The following IRAG2 variants were observed in gnomAD, a reference collection of about 807,000 sequenced individuals.
IRAG2 encodes the protein inositol 1,4,5-triphosphate receptor associated 2, also known as lymphoid restricted membrane protein.
IRAG2 carries 45 observed loss-of-function variants against 69.9 expected under a neutral mutation model. That is an observed-to-expected ratio of 0.64 (90% CI 0.51 to 0.83). IRAG2 has a LOEUF of 0.83. IRAG2 is among the 40% of genes least tolerant of loss of function. The probability of loss-of-function intolerance (pLI) is 0.00; values close to 1 mark genes in which losing one functional copy is unlikely to be tolerated. For synonymous variants in IRAG2, 193 were observed against 202.4 expected, an observed-to-expected ratio of 0.95 and a Z score of 0.40; for missense variants, 520 against 587.0, an observed-to-expected ratio of 0.89 and a Z score of 1.18.
chr12:25,038,623 AGAGT>A (rs2139857200), intron 16 of IRAG2, among the ~76,000 whole-genome samples: 1 of 151,066 alleles, frequency 6.6e-6, no homozygotes, highest in African/African-American at 2.4e-5. Flanking sequence ...CCTGGGTGAC[AGAGT>A]GAGACTCCAT....
chr12:25,057,847 A>G (rs577955295), intron 1 of IRAG2, among the ~76,000 whole-genome samples: 1 of 152,102 alleles, frequency 6.6e-6, no homozygotes, highest in East Asian at 1.9e-4. Flanking sequence ...CTGTTCTAGA[A>G]CTCAGTTACA....
At chr12:25,054,220 C>T (rs1945074975) in intron 1 of IRAG2, among the ~76,000 whole-genome samples, 1 of 152,160 alleles carries the variant, frequency 6.6e-6, no homozygotes, top group African/African-American at 2.4e-5. Flanking sequence ...TTAAATTACA[C>T]AGTCTGTGTG....
chr12:25,033,339 T>C (rs1390413329), intron 12 of IRAG2, among the ~76,000 whole-genome samples: 3 of 152,156 alleles, frequency 2.0e-5, no homozygotes, highest in Non-Finnish European at 4.4e-5. Flanking sequence ...ATTATTTGTT[T>C]CTGAATGTGA....
chr12:25,055,974 T>C (rs78169761), intron 1 of IRAG2, among the ~76,000 whole-genome samples: 1 of 152,232 alleles, frequency 6.6e-6, no homozygotes, highest in Non-Finnish European at 1.5e-5. Context: ...AATGAGAGAA[T>C]TACCTTTAAG....
chr12:25,027,458 A>G (rs1431847640), intron 9 of IRAG2, among the ~76,000 whole-genome samples: 1 of 147,404 alleles, frequency 6.8e-6, no homozygotes, highest in Non-Finnish European at 1.5e-5. Context: ...GCAGTGGTGC[A>G]ATCTTGGCTC....
At chr12:25,031,650 G>T (rs1189369027) in intron 10 of IRAG2, among the ~76,000 whole-genome samples, 1 of 152,032 alleles carries the variant, frequency 6.6e-6, no homozygotes, top group African/African-American at 2.4e-5. Flanking sequence ...TTGTCCGTGT[G>T]TGTGTGTGTG....
intron 16 of IRAG2, among the ~76,000 whole-genome samples, chr12:25,039,432 A>G (rs1944729235): frequency 6.6e-6 from 1 of 152,154 alleles, no homozygotes; most frequent in African/African-American, 2.4e-5. Flanking sequence ...GGCAGCGTCA[A>G]CATTCTTCTT....
chr12:25,106,890 A>G (rs2140284470), intron 20 of IRAG2, 53 bp from the exon 21 acceptor site: 1 of 757,488 alleles, frequency 1.3e-6, no homozygotes, highest in Non-Finnish European at 2.1e-6. Flanking sequence ...TTTATGAATA[A>G]TTATAGCATA....
chr12:25,051,572 G>A (rs1201507016), upstream of IRAG2, among the ~76,000 whole-genome samples: 1 of 152,200 alleles, frequency 6.6e-6, no homozygotes, highest in Non-Finnish European at 1.5e-5. Flanking sequence ...ACATGTTTTA[G>A]AGATTAGAAT....
intron 10 of IRAG2, chr12:25,030,944 T>A: frequency 1.2e-6 from 1 of 812,922 alleles, no homozygotes; most frequent in Non-Finnish European, 1.5e-6. Flanking sequence ...ATTTGATTGA[T>A]TGATTAGATA....
At chr12:25,020,150 G>C (rs1013872725) in intron 6 of IRAG2, among the ~76,000 whole-genome samples, 2 of 152,244 alleles carry the variant, frequency 1.3e-5, no homozygotes, top group Non-Finnish European at 2.9e-5. Flanking sequence ...TAAGGGAACA[G>C]TCTATAATCT....
chr12:25,005,237 A>G (rs548360449), intron 1 of IRAG2: 67 of 1,208,476 alleles, frequency 5.5e-5, no homozygotes, highest in Non-Finnish European at 6.4e-5. Flanking sequence ...TTTTCTTCTA[A>G]TAGGATGGAA....
chr12:25,069,197 T>C (rs1469247453), intron 5 of IRAG2, among the ~76,000 whole-genome samples, 153 bp from the exon 6 acceptor site: 2 of 152,236 alleles, frequency 1.3e-5, no homozygotes, highest in African/African-American at 4.8e-5. Flanking sequence ...GGGAACTCTC[T>C]TTCATTATGT....
At chr12:25,004,349 C>T (rs1944414877) in exon 1 of IRAG2, 8 of 1,232,050 alleles carry the variant, frequency 6.5e-6, no homozygotes, top group Non-Finnish European at 6.1e-6. Flanking sequence ...ACAATGGCCT[C>T]TCCAAGGAAG....
chr12:25,108,293 G>A lies in IRAG2; in HGVS notation c.*233G>A. 1 of 545,074 alleles carries A rather than the reference G, an allele frequency of 1.8e-6. No homozygotes were observed. The highest frequency in any genetic ancestry group is 3.5e-5 in the Admixed American group (1 of 28,320). 33.8% of individuals were successfully genotyped at this position (545,074 alleles called of 1,614,324 possible). A position where few individuals can be genotyped will look rare whatever the true frequency, so the allele number is the denominator to read the frequency against. ...TTTTAAGGAAGAAATATTATATATT[G>A]TTTGTTAAAGTTTATTGAAATAAAG... On this transcript the variant is annotated 3_prime_UTR_variant, in exon 22 of 22. Coordinates refer to ENST00000556887, the MANE Select transcript of IRAG2 (RefSeq NM_001366544.2).
intron 7 of IRAG2, among the ~76,000 whole-genome samples, chr12:25,022,427 G>A (rs934627643): frequency 6.6e-6 from 1 of 152,192 alleles, no homozygotes; most frequent in Non-Finnish European, 1.5e-5. Context: ...CTAGGAGGTG[G>A]AGGCTGCAGT....
At chr12:25,031,824 G>A (rs1423538438) in intron 10 of IRAG2, among the ~76,000 whole-genome samples, 7 of 152,068 alleles carry the variant, frequency 4.6e-5, no homozygotes, top group African/African-American at 1.2e-4. Flanking sequence ...CACCACACCC[G>A]GCTAATTTTG....
At chr12:25,083,388 CCCT>C in intron 9 of IRAG2, 32 bp from the exon 10 acceptor site, 1 of 1,401,244 alleles carries the variant, frequency 7.1e-7, no homozygotes. Flanking sequence ...GCTCCTGCCC[CCCT>C]AACTGCTTTG....
At chr12:25,050,166 G>A (rs1944831425), upstream of IRAG2, among the ~76,000 whole-genome samples, 1 of 151,622 alleles carries the variant, frequency 6.6e-6, no homozygotes, top group Admixed American at 6.6e-5. Context: ...AAAAGTGTTG[G>A]TGAGGATGTA....
Sources: gnomAD v4.1 joint callset for allele counts (sites outside exome capture counted in the v4.1 genomes callset) on GRCh38, gnomAD v4.1.1 for gene constraint, MANE v1.5 for transcripts, NCBI Gene and HGNC (gene_info 2026-07-23, HGNC 2026-07-21) for gene names.